GUCA1B: variants seen among roughly 807,000 people sequenced by gnomAD.
The protein encoded by GUCA1B is guanylyl cyclase-activating protein 2.
In GUCA1B, 22 loss-of-function variants were observed where a neutral mutation model predicts 24.2. That is an observed-to-expected ratio of 0.91 (90% CI 0.65 to 1.30). The LOEUF is 1.30. GUCA1B is among the 50% of genes most tolerant of loss of function. The pLI is 0.00. For missense variants in GUCA1B, 221 were observed against 258.8 expected, an observed-to-expected ratio of 0.85 and a Z score of 1.00; for synonymous variants, 100 against 97.9, an observed-to-expected ratio of 1.02 and a Z score of -0.13.
chr6:42,184,492 T>C lies in GUCA1B; in HGVS notation c.*323A>G, dbSNP rs1768160175. The stretch of plus-strand genomic sequence containing the variant: ...GGTCTGTGGGACCCTCACCCCTCAG[T>C]TGGCTCTTGCTTCCAACTGAGAACA... On this transcript the variant is annotated 3_prime_UTR_variant, in exon 4 of 4. Coordinates refer to ENST00000230361, the MANE Select transcript of GUCA1B (RefSeq NM_002098.6). 2.5e-6 allele frequency: 1 copy of C among 398,592 alleles called. No homozygotes were observed. The highest frequency in any genetic ancestry group is 3.6e-5 in the Admixed American group (1 of 27,840). 24.7% of individuals were successfully genotyped at this position (398,592 alleles called of 1,614,324 possible).
chr6:42,184,970 T>C (rs1345943381), intron 3 of GUCA1B, 28 bp from the exon 4 acceptor site: 3 of 1,612,634 alleles, frequency 1.9e-6, no homozygotes, highest in Non-Finnish European at 2.5e-6. Flanking sequence ...GAGGTGGTCA[T>C]GTAGAAGAAG....
intron 1 of GUCA1B, among the ~76,000 whole-genome samples, chr6:42,192,040 AAAAAAAAAAAAG>A (rs1421074520): frequency 1.2e-4 from 5 of 40,986 alleles, no homozygotes; most frequent in Non-Finnish European, 2.4e-4. Context: ...TGATCATACA[AAAAAAAAAAAAG>A]AAAAAAAAAA....
At position 42,183,939 on chromosome 6, in the gene GUCA1B, C is replaced by G. The variant is rs949414194; in HGVS notation, c.*876G>C. Among the ~76,000 whole-genome samples the G allele has an allele frequency of 6.6e-6, 1 of 152,098 alleles. No individual in the cohort carries two copies. The highest frequency in any genetic ancestry group is 2.4e-5 in the African/African-American group (1 of 41,406). On this transcript the variant is annotated 3_prime_UTR_variant, in exon 4 of 4. Coordinates refer to ENST00000230361, the MANE Select transcript of GUCA1B (RefSeq NM_002098.6). The stretch of plus-strand genomic sequence containing the variant: ...AAGGCAGAAAGACCACAGCCTGCAG[C>G]GTATTTGCTGCCATTTTTCCTGTTG...
chr6:42,194,102 T>A (rs79534543), intron 1 of GUCA1B, among the ~76,000 whole-genome samples: 437 of 152,292 alleles, frequency 2.9e-3, no homozygotes, highest in African/African-American at 0.01. Flanking sequence ...AGTCTCCCAA[T>A]ACATGCAGGA....
intron 1 of GUCA1B, among the ~76,000 whole-genome samples, chr6:42,194,310 A>G (rs145069270): frequency 1.2e-3 from 176 of 152,300 alleles, no homozygotes; most frequent in African/African-American, 3.9e-3. Flanking sequence ...AAAATACACA[A>G]AGAGAGGACC....
intron 1 of GUCA1B, among the ~76,000 whole-genome samples, chr6:42,193,566 C>A (rs961457398): frequency 6.6e-6 from 1 of 152,170 alleles, no homozygotes; most frequent in Non-Finnish European, 1.5e-5. Context: ...CAGAGGAGAC[C>A]TAAGAGAGGC....
chr6:42,188,770 C>A, intron 1 of GUCA1B, 39 bp from the exon 2 acceptor site: 1 of 1,590,642 alleles, frequency 6.3e-7, no homozygotes. Context: ...CACAGCCCAC[C>A]TCCCCAGAGC....
At chr6:42,186,623 T>C (rs73434260) in intron 2 of GUCA1B, among the ~76,000 whole-genome samples, 19,168 of 148,876 alleles carry the variant, frequency 0.13, 1,278 homozygotes, top group Middle Eastern at 0.18. Flanking sequence ...GAAAGCACCA[T>C]GTAAATGCGG....
intron 1 of GUCA1B, among the ~76,000 whole-genome samples, chr6:42,193,605 T>G (rs1011622842): frequency 6.6e-6 from 1 of 152,246 alleles, no homozygotes; most frequent in Non-Finnish European, 1.5e-5. Flanking sequence ...AAACTGGCTC[T>G]GTGCCCTGTG....
intron 1 of GUCA1B, among the ~76,000 whole-genome samples, chr6:42,192,924 G>A (rs931032901): frequency 6.6e-6 from 1 of 151,806 alleles, no homozygotes; most frequent in Non-Finnish European, 1.5e-5. Context: ...AGGGATAAAC[G>A]GGCATGATAT....
intron 1 of GUCA1B, among the ~76,000 whole-genome samples, chr6:42,190,732 C>T (rs899055950): frequency 1.1e-4 from 17 of 152,162 alleles, no homozygotes; most frequent in Admixed American, 1.0e-3. Flanking sequence ...GTCGGAAGAA[C>T]TTGCAGTCTC....
intron 1 of GUCA1B, among the ~76,000 whole-genome samples, chr6:42,190,714 T>C (rs1055157889): frequency 2.6e-5 from 4 of 152,174 alleles, no homozygotes; most frequent in Admixed American, 6.6e-5. Flanking sequence ...TCTCCTCCAG[T>C]GCATCACGTC....
chr6:42,188,857 G>C, intron 1 of GUCA1B, 126 bp from the exon 2 acceptor site: 1 of 810,296 alleles, frequency 1.2e-6, no homozygotes, highest in Admixed American at 2.1e-5. Flanking sequence ...CTTTGCTCAA[G>C]TCTTTCTCCA....
At chr6:42,190,095 G>T (rs1176735604) in intron 1 of GUCA1B, among the ~76,000 whole-genome samples, 2 of 152,192 alleles carry the variant, frequency 1.3e-5, no homozygotes, top group Non-Finnish European at 2.9e-5. Flanking sequence ...CAGTGAACAA[G>T]GTTTGAGCAA....
Position 42,185,682 on chromosome 6 carries a change from T to A in GUCA1B, c.473A>T (p.Asp158Val). 1 of 1,551,072 alleles carries A rather than the reference T, an allele frequency of 6.4e-7. No individual in the cohort carries two copies. Among genetic ancestry groups the A allele is most frequent in the Non-Finnish European group, 8.9e-7 (1 of 1,122,798 alleles). ...CTCCCCATCTCTGCCCCTCTTACCA[T>A]CTCCATTCTCATCCACCAGGAGGAA... is the stretch of plus-strand genomic sequence containing the variant. Reference protein sequence around the residue: ...RIFLLVDENGDGQLSLNEFVE... With the variant: ...RIFLLVDENGVGQLSLNEFVE... Residue 158 changes from aspartate (D) to valine (V), a missense_variant and splice_region_variant, in exon 3 of 4, where the codon GAT (aspartate) becomes GTT (valine). Asp to Val is a radical substitution (Grantham distance 152). Transcript: ENST00000230361.
At position 42,183,827 on chromosome 6, in the gene GUCA1B, G is replaced by A; in HGVS notation, c.*988C>T. The stretch of plus-strand genomic sequence containing the variant: ...TATGGATGGAAAGAGAGGATTGTTG[G>A]GGGAGTGGTGGGTTGGCAGCAGGGG... On this transcript the variant is annotated 3_prime_UTR_variant, in exon 4 of 4. Transcript: ENST00000230361. 6.6e-6 allele frequency among the ~76,000 whole-genome samples: 1 copy of A among 152,166 alleles called. No homozygotes were observed. Among genetic ancestry groups the A allele is most frequent in the East Asian group, 1.9e-4 (1 of 5,196 alleles).
chr6:42,187,055 AT>A (rs1768204563), intron 2 of GUCA1B, among the ~76,000 whole-genome samples: 1 of 152,112 alleles, frequency 6.6e-6, no homozygotes, highest in Admixed American at 6.6e-5. Context: ...TGTGTTTTCT[AT>A]TTTATTGATT....
intron 2 of GUCA1B, among the ~76,000 whole-genome samples, chr6:42,188,015 T>C (rs1019752947): frequency 6.6e-6 from 1 of 151,736 alleles, no homozygotes; most frequent in African/African-American, 2.4e-5. Flanking sequence ...CTGGCTAATT[T>C]TTAATTTTTT....
chr6:42,191,819 T>C (rs9394885), intron 1 of GUCA1B, among the ~76,000 whole-genome samples: 83,085 of 151,976 alleles, frequency 0.55, 24,605 homozygotes, highest in East Asian at 0.85. Context: ...GACAAACTGA[T>C]GTCTTGTACC....
Sources: gnomAD v4.1 joint callset for allele counts (sites outside exome capture counted in the v4.1 genomes callset) on GRCh38, gnomAD v4.1.1 for gene constraint, MANE v1.5 for transcripts, NCBI Gene and HGNC (gene_info 2026-07-23, HGNC 2026-07-21) for gene names.